Variants in DNAH10 observed in about 807,000 individuals in gnomAD.
DNAH10 encodes the protein axonemal beta dynein heavy chain 10.
Under a neutral mutation model 506.6 loss-of-function variants are expected in DNAH10, and 348 were observed. The observed-to-expected ratio is 0.69, with a 90% CI of 0.63 to 0.75. DNAH10 has a LOEUF of 0.75. Ranked by LOEUF, DNAH10 falls within the 30% of genes least tolerant of loss-of-function variation. DNAH10 has a pLI of 0.00. For missense variants in DNAH10, 5,179 were observed against 5,787.1 expected (o/e 0.89, Z 3.41); for synonymous variants, 2,059 against 2,198.6 (o/e 0.94, Z 1.78).
chr12:123,891,613 C>T (rs1324920329), intron 52 of DNAH10, among the ~76,000 whole-genome samples: 1 of 151,534 alleles, frequency 6.6e-6, no homozygotes. Context: ...CAGGCAGAGC[C>T]CCGGGAGGAA....
At chr12:123,774,652 C>G (rs1250257449) in intron 5 of DNAH10, among the ~76,000 whole-genome samples, 1 of 152,252 alleles carries the variant, frequency 6.6e-6, no homozygotes, top group Admixed American at 6.5e-5. Context: ...GGCTAGTTAA[C>G]TGCAGCAGGA....
intron 47 of DNAH10, among the ~76,000 whole-genome samples, chr12:123,875,729 G>C (rs1053112032): frequency 2.0e-5 from 3 of 152,214 alleles, no homozygotes; most frequent in African/African-American, 7.2e-5. Flanking sequence ...GGAGGTAAAA[G>C]TGCCTTGGGC....
In DNAH10 at chr12:123,881,753, G is replaced by T. The variant is rs762184823; in HGVS notation, c.8763G>T (p.Gly2921=). Residue 2921 remains glycine (G), a synonymous_variant, in exon 51 of 79, where the codon GGG becomes GGT. Coordinates refer to ENST00000673944, the MANE Select transcript of DNAH10 (RefSeq NM_001372106.1). ...RMDRGHALLV[G]VGGSGKQSLS... is the part of the protein sequence containing the mutation. ...ACCGCGGCCACGCCCTGCTGGTCGG[G>T]GTAGGGGGCTCAGGGAAGCAGTCTC... 4 of 1,542,662 alleles carry T rather than the reference G, an allele frequency of 2.6e-6. No homozygotes were observed. Among genetic ancestry groups the T allele is most frequent in the Non-Finnish European group, 3.5e-6 (4 of 1,142,678 alleles).
chr12:123,805,091 G>A (rs1398057747), intron 18 of DNAH10, 51 bp downstream of exon 18: 3 of 1,580,038 alleles, frequency 1.9e-6, no homozygotes, highest in East Asian at 2.3e-5. Context: ...GATTAAAACA[G>A]TTGACAAATA....
intron 57 of DNAH10, chr12:123,908,499 C>T (rs542569950): frequency 8.8e-6 from 4 of 456,092 alleles, no homozygotes; most frequent in African/African-American, 2.0e-5. Flanking sequence ...CTTTCCATGG[C>T]GTGGTCTGGG....
intron 51 of DNAH10, among the ~76,000 whole-genome samples, 186 bp from the exon 52 acceptor site, chr12:123,886,956 A>G (rs1952761549): frequency 6.6e-6 from 1 of 152,196 alleles, no homozygotes; most frequent in East Asian, 1.9e-4. Context: ...TGCTGGGCTC[A>G]TGGGGCTTCC....
At position 123,808,764 on chromosome 12, in the gene DNAH10, ACACT is replaced by A. The variant is rs762152476; in HGVS notation, c.2988-31_2988-28del. 3.1e-6 allele frequency: 5 copies of A among 1,610,900 alleles called. No individual in the cohort carries two copies. The African/African-American group carries it at 6.7e-5, about 22-fold the overall frequency. ...TTGGTGTATTTCACTCTAGTGAGAT[ACACT>A]CTGAGTCTTTCTCATCAACCCCTCT... is the stretch of plus-strand genomic sequence containing the variant. On this transcript the variant is annotated intron_variant, in intron 18 of 78. Coordinates refer to ENST00000673944, the MANE Select transcript of DNAH10 (RefSeq NM_001372106.1).
intron 71 of DNAH10, 67 bp downstream of exon 71, chr12:123,929,551 CG>C (rs1201933607): frequency 6.3e-7 from 1 of 1,577,088 alleles, no homozygotes; most frequent in African/African-American, 1.4e-5. Flanking sequence ...GACTTTCCTC[CG>C]GGTTCAACCA....
chr12:123,801,326 C>T lies in DNAH10; in HGVS notation c.2508C>T (p.Leu836=), dbSNP rs1958474579. 6.2e-7 allele frequency: 1 copy of T among 1,614,024 alleles called. No homozygotes were observed. The highest frequency in any genetic ancestry group is 1.3e-5 in the African/African-American group (1 of 74,914). Residue 836 remains leucine (L), a synonymous_variant, in exon 16 of 79, where the codon CTC becomes CTT. Transcript: ENST00000673944. ...IQRMLDHYHM[L]IGTLNDAESV... ...GCATGTTGGATCATTATCACATGCT[C>T]ATAGGAACGTTAAACGATGCGGAGT...
chr12:123,831,917 A>G (rs927198514), intron 26 of DNAH10, among the ~76,000 whole-genome samples: 4 of 152,036 alleles, frequency 2.6e-5, no homozygotes, highest in African/African-American at 9.7e-5. Flanking sequence ...AAAAAAAAAA[A>G]AAGGAAAGGT....
At chr12:123,803,901 T>C (rs1490430278) in intron 17 of DNAH10, 76 bp downstream of exon 17, 2 of 1,361,242 alleles carry the variant, frequency 1.5e-6, no homozygotes, top group Non-Finnish European at 2.0e-6. Flanking sequence ...TGTGTATATA[T>C]GTACCTATAA....
rs560955516 is a variant in DNAH10, at chr12:123,906,580, G to A, written c.9816-2681G>A. Among the ~76,000 whole-genome samples, 4 of 152,284 alleles carry A rather than the reference G, an allele frequency of 2.6e-5. No individual in the cohort carries two copies. The South Asian group carries it at 8.3e-4, about 32-fold the overall frequency. On this transcript the variant is annotated intron_variant, in intron 57 of 78. Coordinates refer to ENST00000673944, the MANE Select transcript of DNAH10 (RefSeq NM_001372106.1). ...TTGGATATTGTGTCCTAGTTAAAAG[G>A]CCTGATCACACTGCAAGATTGTAAA...
At chr12:123,766,397 T>G (rs1317876460) in intron 1 of DNAH10, among the ~76,000 whole-genome samples, 1 of 152,138 alleles carries the variant, frequency 6.6e-6, no homozygotes, top group Admixed American at 6.6e-5. Flanking sequence ...ATATATAGAG[T>G]TCCTAAAACT....
chr12:123,887,454 G>A, intron 52 of DNAH10, 141 bp downstream of exon 52: 1 of 985,532 alleles, frequency 1.0e-6, no homozygotes, highest in Middle Eastern at 3.3e-4. Flanking sequence ...GGCGGCCCCT[G>A]AGATAGGTCT....
chr12:123,811,397 A>G (rs1035404831), intron 19 of DNAH10, among the ~76,000 whole-genome samples: 1 of 151,312 alleles, frequency 6.6e-6, no homozygotes, highest in Non-Finnish European at 1.5e-5. Flanking sequence ...ATCTCAGCTC[A>G]CTGCAACCTC....
chr12:123,789,174 G>C (rs1957983048), intron 10 of DNAH10, among the ~76,000 whole-genome samples: 1 of 151,982 alleles, frequency 6.6e-6, no homozygotes, highest in Admixed American at 6.5e-5. Flanking sequence ...CTTGAACCTG[G>C]GAGGTGGAGG....
Position 123,926,400 on chromosome 12 carries a change from CA to C in DNAH10, c.11922-235del. 1 of 499,752 alleles carries C rather than the reference CA, an allele frequency of 2.0e-6. No individual in the cohort carries two copies. Among genetic ancestry groups the C allele is most frequent in the Non-Finnish European group, 3.5e-6 (1 of 289,740 alleles). 31.0% of individuals were successfully genotyped at this position (499,752 alleles called of 1,614,324 possible). On this transcript the variant is annotated intron_variant, in intron 68 of 78. Transcript: ENST00000673944. The surrounding 1 kb of genome is among the most constrained non-coding windows in gnomAD (Gnocchi z 4.1). ...CTGAGGTGCCCAGCTCAGCACAAAC[CA>C]ACTGAATCGAGTGTGAGGGGGTACA...
In DNAH10 at chr12:123,919,814, TC is replaced by T. The variant is rs1309373747; in HGVS notation, c.11506+866del. ...CGCTTCATTCCTGCCTGTGGCTGAG[TC>T]ACATTCCATGTATGGACAGACCGCA... On this transcript the variant is annotated intron_variant, in intron 65 of 78. Coordinates refer to ENST00000673944, the MANE Select transcript of DNAH10 (RefSeq NM_001372106.1). The surrounding 1 kb of genome is among the most constrained non-coding windows in gnomAD (Gnocchi z 4.9). Among the ~76,000 whole-genome samples the T allele has an allele frequency of 9.2e-5, 14 of 152,232 alleles. No homozygotes were observed. The highest frequency in any genetic ancestry group is 5.2e-4 in the Admixed American group (8 of 15,294).
chr12:123,816,998 A>G (rs1456080138), intron 21 of DNAH10, among the ~76,000 whole-genome samples: 1 of 150,082 alleles, frequency 6.7e-6, no homozygotes, highest in African/African-American at 2.5e-5. Context: ...TATCCCTTCT[A>G]TGTGTGGATA....
Sources: gnomAD v4.1 joint callset for allele counts (sites outside exome capture counted in the v4.1 genomes callset) on GRCh38, gnomAD v4.1.1 for gene constraint, Gnocchi (gnomAD v3.1) non-coding constraint, MANE v1.5 for transcripts, NCBI Gene and HGNC (gene_info 2026-07-23, HGNC 2026-07-21) for gene names.